FKBP1B: variants seen among roughly 807,000 people sequenced by gnomAD.
The protein encoded by FKBP1B is FKBP prolyl isomerase 1B.
In FKBP1B, 4 loss-of-function variants were observed where a neutral mutation model predicts 13.5. The observed-to-expected ratio is 0.30, with a 90% CI of 0.15 to 0.68. The LOEUF (loss-of-function observed/expected upper bound fraction) is 0.68. Ranked by LOEUF, FKBP1B falls within the 30% of genes least tolerant of loss-of-function variation. The probability of loss-of-function intolerance (pLI) is 0.76; values close to 1 mark genes in which losing one functional copy is unlikely to be tolerated. For missense variants in FKBP1B, 93 were observed against 136.2 expected (o/e 0.68, Z 1.58); for synonymous variants, 54 against 53.6 (o/e 1.01, Z -0.03).
chr2:24,044,267 T>G, the FKBP1B span, among the ~76,000 whole-genome samples: 3 of 150,654 alleles, frequency 2.0e-5, no homozygotes, highest in African/African-American at 7.3e-5. Context: ...TTTACTGAGG[T>G]TTTTTTTTGG....
At chr2:24,037,666 G>A in the FKBP1B span, 1 of 1,597,474 alleles carries the variant, frequency 6.3e-7, no homozygotes, top group South Asian at 1.1e-5. Context: ...GTTCCTCAAA[G>A]GAGAATTTAC....
At chr2:24,042,513 G>A in the FKBP1B span, among the ~76,000 whole-genome samples, 5 of 141,722 alleles carry the variant, frequency 3.5e-5, no homozygotes, top group Non-Finnish European at 6.0e-5. Flanking sequence ...TCCAGCCTGG[G>A]TGACAGAGCA....
In FKBP1B at chr2:24,050,096, G is replaced by A. The variant is rs544616302; in HGVS notation, c.37+210G>A. ...CGCGCTCACCTAGGGGAATGTAGGCGGCAGCTCGGAGGCGGGGGTCTGCGG... is the reference window on the plus strand; with the variant it reads ...CGCGCTCACCTAGGGGAATGTAGGCAGCAGCTCGGAGGCGGGGGTCTGCGG... On this transcript the variant is annotated intron_variant, in intron 1 of 3. Transcript: ENST00000380986. The surrounding 1 kb of genome is among the most constrained non-coding windows in gnomAD (Gnocchi z 5.8). 1.5e-4 allele frequency among the ~76,000 whole-genome samples: 23 copies of A among 152,230 alleles called. No individual in the cohort carries two copies. Among genetic ancestry groups the A allele is most frequent in the African/African-American group, 5.3e-4 (22 of 41,558 alleles).
chr2:24,049,508 C>T (rs1021042478), upstream of FKBP1B: 197 of 261,132 alleles, frequency 7.5e-4, 1 homozygote, highest in Middle Eastern at 9.9e-3. Context: ...GTCTATTGGA[C>T]GGATGCGCGA....
In FKBP1B at chr2:24,053,902, G is replaced by A; in HGVS notation, c.38G>A (p.Gly13Glu). ...CATCTGCCCTCATGTCTCCCTGCAG[G>A]AAGGACATTCCCCAAGAAGGGCCAA... ...VEIETISPGDGRTFPKKGQTC... is the reference protein window; with the variant it reads ...VEIETISPGDERTFPKKGQTC... The change falls in exon 2 of 4, where the codon GGA (glycine) becomes GAA (glutamate). Residue 13 changes from glycine (G) to glutamate (E), a missense_variant and splice_region_variant. Physicochemically the swap from Gly to Glu is moderately conservative, Grantham distance 98. Transcript: ENST00000380986. 1 of 1,614,110 alleles carries A rather than the reference G, an allele frequency of 6.2e-7. No homozygotes were observed. Among genetic ancestry groups the A allele is most frequent in the African/African-American group, 1.3e-5 (1 of 75,022 alleles).
At chr2:24,048,140 T>C (rs1343994933), upstream of FKBP1B, among the ~76,000 whole-genome samples, 1 of 152,152 alleles carries the variant, frequency 6.6e-6, no homozygotes, top group Admixed American at 6.6e-5. Flanking sequence ...AGGAGAATCA[T>C]ATCTTCACAT....
intron 2 of FKBP1B, among the ~76,000 whole-genome samples, chr2:24,056,887 C>T (rs1013887013): frequency 3.9e-5 from 6 of 151,978 alleles, no homozygotes; most frequent in Admixed American, 6.6e-5. Context: ...GACAGGGTTT[C>T]GCCATGTTGG....
At chr2:24,040,171 T>C in the FKBP1B span, among the ~76,000 whole-genome samples, 1 of 152,142 alleles carries the variant, frequency 6.6e-6, no homozygotes, top group East Asian at 1.9e-4. Flanking sequence ...ATTATTTAAA[T>C]AAGCATGTTG....
At chr2:24,041,336 T>G in the FKBP1B span, among the ~76,000 whole-genome samples, 1 of 139,182 alleles carries the variant, frequency 7.2e-6, no homozygotes, top group Non-Finnish European at 1.6e-5. Context: ...CAAAACTCTA[T>G]CTCCAAAAAA....
chr2:24,054,327 T>C (rs1664023870), intron 2 of FKBP1B: 1 of 355,058 alleles, frequency 2.8e-6, no homozygotes, highest in African/African-American at 2.1e-5. Context: ...GCAGTATCAT[T>C]AGAGAAGAAG....
the FKBP1B span, among the ~76,000 whole-genome samples, chr2:24,037,007 A>C: frequency 6.6e-6 from 1 of 152,274 alleles, no homozygotes; most frequent in Non-Finnish European, 1.5e-5. Context: ...GAAATGCATC[A>C]AAACATTTTA....
chr2:24,049,118 T>C (rs1174564097), upstream of FKBP1B, among the ~76,000 whole-genome samples: 1 of 152,132 alleles, frequency 6.6e-6, no homozygotes, highest in East Asian at 1.9e-4. Flanking sequence ...CGCTCTGAAC[T>C]GCACGGCACT....
At chr2:24,041,357 T>G in the FKBP1B span, among the ~76,000 whole-genome samples, 1 of 146,462 alleles carries the variant, frequency 6.8e-6, no homozygotes, top group Non-Finnish European at 1.5e-5. Flanking sequence ...AAAAAAAAAC[T>G]GTTCCCTCCT....
chr2:24,051,515 G>A (rs969373752), intron 1 of FKBP1B, among the ~76,000 whole-genome samples: 3 of 152,064 alleles, frequency 2.0e-5, no homozygotes, highest in Admixed American at 2.0e-4. Flanking sequence ...TTTTCCTCCA[G>A]CTTTCCCAAG....
At chr2:24,039,820 G>C in the FKBP1B span, among the ~76,000 whole-genome samples, 5 of 151,038 alleles carry the variant, frequency 3.3e-5, no homozygotes, top group African/African-American at 1.2e-4. Flanking sequence ...TTTTTGAGAC[G>C]GAGTCTCACT....
chr2:24,035,732 T>G, the FKBP1B span, among the ~76,000 whole-genome samples: 15 of 150,690 alleles, frequency 1.0e-4, no homozygotes, highest in African/African-American at 3.4e-4. Context: ...CTGGGCAACA[T>G]AGCAAGACCT....
In FKBP1B at chr2:24,049,813, G is replaced by C; in HGVS notation, c.-37G>C. Reference sequence around the variant, plus strand: ...GGAGCCGAGCCGGGGTCGGGCAGCAGCAGGGACCCCCCAGAGGCGGGGCCT... The same window carrying C: ...GGAGCCGAGCCGGGGTCGGGCAGCACCAGGGACCCCCCAGAGGCGGGGCCT... On this transcript the variant is annotated 5_prime_UTR_variant, in exon 1 of 4. Coordinates refer to ENST00000380986, the MANE Select transcript of FKBP1B (RefSeq NM_004116.5). 1.5e-6 allele frequency: 2 copies of C among 1,338,842 alleles called. No homozygotes were observed. 82.9% of individuals were successfully genotyped at this position (1,338,842 alleles called of 1,614,324 possible). A position where few individuals can be genotyped will look rare whatever the true frequency, so the allele number is the denominator to read the frequency against.
intron 3 of FKBP1B, among the ~76,000 whole-genome samples, chr2:24,062,769 A>C (rs1012947393): frequency 2.0e-5 from 3 of 152,162 alleles, no homozygotes; most frequent in African/African-American, 7.2e-5. Flanking sequence ...ACTATGAACA[A>C]ATGGAAGTGT....
the FKBP1B span, among the ~76,000 whole-genome samples, chr2:24,036,511 G>C: frequency 6.6e-6 from 1 of 152,168 alleles, no homozygotes; most frequent in Non-Finnish European, 1.5e-5. Context: ...AAAAATCTTT[G>C]AGAGGCAATC....
Sources: gnomAD v4.1 joint callset for allele counts (sites outside exome capture counted in the v4.1 genomes callset) on GRCh38, gnomAD v4.1.1 for gene constraint, Gnocchi (gnomAD v3.1) non-coding constraint, MANE v1.5 for transcripts, NCBI Gene and HGNC (gene_info 2026-07-23, HGNC 2026-07-21) for gene names.